CTNNA2: variants seen among roughly 807,000 people sequenced by gnomAD.
The protein encoded by CTNNA2 is catenin alpha 2.
Under a neutral mutation model 101.0 loss-of-function variants are expected in CTNNA2, and 42 were observed. The ratio of observed to expected loss-of-function variants is 0.42; its 90% CI spans 0.32 to 0.54. CTNNA2 has a LOEUF of 0.54. Ranked by LOEUF, CTNNA2 falls within the 20% of genes least tolerant of loss-of-function variation. The pLI, the probability that CTNNA2 is intolerant of heterozygous loss-of-function variation, is 0.14. For synonymous variants in CTNNA2, 450 were observed against 456.4 expected, an observed-to-expected ratio of 0.99 and a Z score of 0.18; for missense variants, 871 against 1,223.1, an observed-to-expected ratio of 0.71 and a Z score of 4.29.
chr2:79,297,374 A>G (rs566345403), intron 2 of CTNNA2, among the ~76,000 whole-genome samples: 1 of 152,292 alleles, frequency 6.6e-6, no homozygotes, highest in South Asian at 2.1e-4. Context: ...TCTGGCCAAA[A>G]CATCCTTCTT....
At chr2:79,263,766 G>GC (rs1471807007) in intron 2 of CTNNA2, among the ~76,000 whole-genome samples, 1 of 152,032 alleles carries the variant, frequency 6.6e-6, no homozygotes, top group Non-Finnish European at 1.5e-5. Context: ...AATGCCTCCC[G>GC]CCATGTTATG....
At chr2:80,253,465 C>G (rs369903346) in intron 7 of CTNNA2, among the ~76,000 whole-genome samples, 6 of 152,262 alleles carry the variant, frequency 3.9e-5, no homozygotes, top group Admixed American at 1.3e-4. Context: ...CCTCGACTCT[C>G]TAGTTCTATG....
At chr2:80,161,029 T>C (rs2148944800) in intron 7 of CTNNA2, among the ~76,000 whole-genome samples, 1 of 152,288 alleles carries the variant, frequency 6.6e-6, no homozygotes, top group South Asian at 2.1e-4. Context: ...ATTGATATCA[T>C]TGTGTGAATT....
chr2:79,851,442 A>G (rs776202617), intron 3 of CTNNA2, among the ~76,000 whole-genome samples: 51 of 152,046 alleles, frequency 3.4e-4, no homozygotes, highest in Non-Finnish European at 7.4e-5. Context: ...TGTGAGCTCA[A>G]TCGGGATGCA....
chr2:79,404,546 T>C (rs530076873), intron 4 of CTNNA2, among the ~76,000 whole-genome samples: 1 of 152,194 alleles, frequency 6.6e-6, no homozygotes, highest in South Asian at 2.1e-4. Flanking sequence ...TAGGCACTAT[T>C]TGAAACCTAT....
chr2:79,740,941 T>C (rs995191902), intron 2 of CTNNA2, among the ~76,000 whole-genome samples: 8 of 151,976 alleles, frequency 5.3e-5, no homozygotes, highest in African/African-American at 1.9e-4. Flanking sequence ...TAGGTGTAAA[T>C]ATAGGCATAG....
rs557837901 is a variant in CTNNA2 at position 79,963,106 on chromosome 2, A to G, written c.1056+53309A>G. ...AAAAAAAAAAAAAAAATGTTACACA[A>G]AATTGTGTCTCACATATTGCCATAT... is the stretch of plus-strand genomic sequence containing the variant. On this transcript the variant is annotated intron_variant, in intron 7 of 18. Coordinates refer to ENST00000402739, the MANE Select transcript of CTNNA2 (RefSeq NM_001282597.3). Among the ~76,000 whole-genome samples the G allele has an allele frequency of 9.9e-5, 15 of 152,134 alleles. No individual in the cohort carries two copies. The East Asian group carries it at 2.5e-3, about 26-fold the overall frequency.
In CTNNA2 at chr2:80,372,256, T is replaced by A. The variant is rs1341573690; in HGVS notation, c.1057-20955T>A. Among the ~76,000 whole-genome samples, 3 of 100,770 alleles carry A rather than the reference T, an allele frequency of 3.0e-5. No homozygotes were observed. The Admixed American group carries it at 3.4e-4, about 11-fold the overall frequency. The allele number at this position is 100,770 out of a possible 152,430, so 66.1% of individuals were successfully genotyped here. A position where few individuals can be genotyped will look rare whatever the true frequency, so the allele number is the denominator to read the frequency against. ...ATGGATGCTGTGGAACCCCAGAACC[T>A]CTCCACTATAACCTTTACTCATTGC... On this transcript the variant is annotated intron_variant, in intron 7 of 18. Coordinates refer to ENST00000402739, the MANE Select transcript of CTNNA2 (RefSeq NM_001282597.3).
intron 8 of CTNNA2, among the ~76,000 whole-genome samples, chr2:80,397,326 C>T (rs1227425122): frequency 6.6e-6 from 1 of 152,188 alleles, no homozygotes; most frequent in Admixed American, 6.5e-5. Flanking sequence ...TTAATCCACA[C>T]ACTAGCTCTA....
At position 80,392,401 on chromosome 2, in the gene CTNNA2, A is replaced by T. The variant is rs551396312; in HGVS notation, c.1057-810A>T. Among the ~76,000 whole-genome samples, 4 of 152,328 alleles carry T rather than the reference A, an allele frequency of 2.6e-5. No individual in the cohort carries two copies. The South Asian group carries it at 8.3e-4, about 32-fold the overall frequency. Reference sequence around the variant, plus strand: ...TTTAAGGGGAAGATTATTGTCATCCATAAAGTTTATAGAGCTTTTCATCCA... The same window carrying T: ...TTTAAGGGGAAGATTATTGTCATCCTTAAAGTTTATAGAGCTTTTCATCCA... On this transcript the variant is annotated intron_variant, in intron 7 of 18. Transcript: ENST00000402739.
At chr2:79,573,571 A>C (rs749631442) in intron 1 of CTNNA2, among the ~76,000 whole-genome samples, 2 of 152,242 alleles carry the variant, frequency 1.3e-5, no homozygotes, top group Non-Finnish European at 2.9e-5. Context: ...ACCAAATTCT[A>C]CTGATGAGGG....
intron 2 of CTNNA2, among the ~76,000 whole-genome samples, chr2:79,223,934 T>A (rs2104226416): frequency 6.6e-6 from 1 of 152,338 alleles, no homozygotes; most frequent in East Asian, 1.9e-4. Context: ...CAAATGATTC[T>A]AATTCAGGTG....
chr2:80,089,562 C>T (rs1699652277), intron 7 of CTNNA2, among the ~76,000 whole-genome samples: 1 of 151,556 alleles, frequency 6.6e-6, no homozygotes, highest in African/African-American at 2.4e-5. Flanking sequence ...ACTTCTTTCA[C>T]CATAGTGAAA....
At chr2:79,457,522 T>C (rs1419395119) in intron 4 of CTNNA2, among the ~76,000 whole-genome samples, 2 of 152,194 alleles carry the variant, frequency 1.3e-5, no homozygotes, top group Non-Finnish European at 2.9e-5. Flanking sequence ...TTCCATTTTA[T>C]TATGTTGAAC....
intron 6 of CTNNA2, among the ~76,000 whole-genome samples, chr2:79,882,851 T>C (rs1683550935): frequency 6.6e-6 from 1 of 152,202 alleles, no homozygotes; most frequent in African/African-American, 2.4e-5. Context: ...AAGTGGCGTC[T>C]TCCGATCCGT....
chr2:80,206,064 C>T (rs1707513966), intron 7 of CTNNA2, among the ~76,000 whole-genome samples: 1 of 152,110 alleles, frequency 6.6e-6, no homozygotes, highest in Admixed American at 6.6e-5. Context: ...GTTTTCTTTT[C>T]ACAGCTGCCA....
At chr2:80,563,056 A>G (rs1558590663) in intron 12 of CTNNA2, among the ~76,000 whole-genome samples, 1 of 144,182 alleles carries the variant, frequency 6.9e-6, no homozygotes, top group Non-Finnish European at 1.5e-5. Flanking sequence ...ACCAAAAAAA[A>G]AAAAAAGAAA....
chr2:80,594,821 T>TTATA (rs142206436), intron 15 of CTNNA2, among the ~76,000 whole-genome samples: 1,709 of 151,320 alleles, frequency 0.011, 37 homozygotes, highest in African/African-American at 0.038. Context: ...TCATTTGACC[T>TTATA]TATATATATA....
At chr2:79,398,870 A>C (rs936755671) in intron 4 of CTNNA2, among the ~76,000 whole-genome samples, 4 of 151,810 alleles carry the variant, frequency 2.6e-5, no homozygotes, top group Non-Finnish European at 5.9e-5. Context: ...AAAGAAAAAA[A>C]GTTGAATCCT....
Sources: allele counts gnomAD v4.1 joint callset (sites outside exome capture counted in the v4.1 genomes callset), GRCh38; gene constraint gnomAD v4.1.1; transcripts MANE v1.5; gene names NCBI Gene and HGNC (gene_info 2026-07-23, HGNC 2026-07-21).